MAPK4: variants seen among roughly 807,000 people sequenced by gnomAD.
MAPK4 encodes Erk3-related.
A neutral mutation model predicts 47.7 loss-of-function variants in MAPK4; 22 were observed. The observed-to-expected ratio is 0.46, with a 90% CI of 0.33 to 0.66. MAPK4 has a LOEUF of 0.66. MAPK4 is among the 30% of genes least tolerant of loss of function. The probability of loss-of-function intolerance (pLI) is 0.02; values close to 1 mark genes in which losing one functional copy is unlikely to be tolerated. For missense variants in MAPK4, 736 were observed against 831.7 expected (o/e 0.88, Z 1.42); for synonymous variants, 390 against 365.7 (o/e 1.07, Z -0.76).
chr18:50,684,583 T>C (rs1274499956), intron 2 of MAPK4, among the ~76,000 whole-genome samples: 1 of 151,168 alleles, frequency 6.6e-6, no homozygotes, highest in African/African-American at 2.4e-5. Context: ...TTCACTCCCT[T>C]GGGTGAGCTC....
intron 1 of MAPK4, among the ~76,000 whole-genome samples, chr18:50,589,427 T>C (rs2042416054): frequency 6.6e-6 from 1 of 152,102 alleles, no homozygotes; most frequent in Non-Finnish European, 1.5e-5. Flanking sequence ...AAACCCCGTC[T>C]CTACTAAAAA....
rs372732257 is a variant in MAPK4 at position 50,719,356 on chromosome 18, AAC to A, written c.692-2580_692-2579del. ...GGGGACACAAAAGGGTTAAAAACAA[AAC>A]AAAAAAAAATACACAGTGAACCTAT... On this transcript the variant is annotated intron_variant, in intron 3 of 5. Transcript: ENST00000400384. Among the ~76,000 whole-genome samples, 509 of 110,114 alleles carry A rather than the reference AAC, an allele frequency of 4.6e-3. 2 individuals are homozygous for A. The highest frequency in any genetic ancestry group is 7.0e-3 in the South Asian group (21 of 3,004). The allele number at this position is 110,114 out of a possible 152,430, so 72.2% of individuals were successfully genotyped here. A position where few individuals can be genotyped will look rare whatever the true frequency, so the allele number is the denominator to read the frequency against.
chr18:50,693,684 G>A (rs144829830), intron 2 of MAPK4, among the ~76,000 whole-genome samples: 3 of 152,330 alleles, frequency 2.0e-5, no homozygotes, highest in Non-Finnish European at 2.9e-5. Flanking sequence ...GCTTTCAAGC[G>A]TGCATGTGCT....
upstream of MAPK4, among the ~76,000 whole-genome samples, chr18:50,559,827 G>A (rs931427474): frequency 1.3e-4 from 20 of 151,762 alleles, no homozygotes; most frequent in Admixed American, 8.5e-4. Flanking sequence ...TACCCGGGAC[G>A]GGGCTCGGCT....
At chr18:50,711,763 A>C (rs1215133805) in intron 2 of MAPK4, among the ~76,000 whole-genome samples, 1 of 151,522 alleles carries the variant, frequency 6.6e-6, no homozygotes, top group Non-Finnish European at 1.5e-5. Context: ...GAGCCAATAT[A>C]CTTATTGATT....
chr18:50,718,158 C>T (rs1231803421), intron 3 of MAPK4, among the ~76,000 whole-genome samples: 4 of 152,136 alleles, frequency 2.6e-5, no homozygotes, highest in African/African-American at 9.7e-5. Flanking sequence ...CTAACAGTGG[C>T]CTTTCTGAGG....
At position 50,729,585 on chromosome 18, in the gene MAPK4, A is replaced by G. The variant is rs1276173026; in HGVS notation, c.1495A>G (p.Ser499Gly). 23 of 1,415,740 alleles carry G rather than the reference A, an allele frequency of 1.6e-5. No homozygotes were observed. Among genetic ancestry groups the G allele is most frequent in the Middle Eastern group, 4.0e-4 (2 of 4,944 alleles). 87.7% of individuals were successfully genotyped at this position (1,415,740 alleles called of 1,614,324 possible). The change falls in exon 6 of 6, where the codon AGC (serine) becomes GGC (glycine). Residue 499 changes from serine to glycine, a missense_variant. This residue lies in a region of MAPK4 where 377 missense variants were observed against 378.6 expected (regional missense o/e 1.00). Transcript: ENST00000400384. ...LFLEIAQWVK[S>G]TQGGPEHASP... ...CCTGGAGATCGCGCAGTGGGTCAAGAGCACGCAGGGCGGCCCAGAGCACGC... is the reference window on the plus strand; with the variant it reads ...CCTGGAGATCGCGCAGTGGGTCAAGGGCACGCAGGGCGGCCCAGAGCACGC...
At chr18:50,617,390 G>A (rs529241891) in intron 1 of MAPK4, among the ~76,000 whole-genome samples, 261 of 152,258 alleles carry the variant, frequency 1.7e-3, no homozygotes, top group Middle Eastern at 6.8e-3. Context: ...AAAGTTTACA[G>A]CACTTTATTT....
At chr18:50,675,609 A>G (rs1347046619) in intron 2 of MAPK4, among the ~76,000 whole-genome samples, 1 of 152,162 alleles carries the variant, frequency 6.6e-6, no homozygotes, top group Non-Finnish European at 1.5e-5. Flanking sequence ...CTCCTGCCTC[A>G]GCTTCCCAAG....
chr18:50,651,426 G>A (rs1370054945), intron 1 of MAPK4, among the ~76,000 whole-genome samples: 2 of 152,186 alleles, frequency 1.3e-5, no homozygotes, highest in East Asian at 1.9e-4. Context: ...TGTGGAATGC[G>A]CTATGGGCCT....
At chr18:50,642,282 T>C (rs1263848355) in intron 1 of MAPK4, among the ~76,000 whole-genome samples, 2 of 152,220 alleles carry the variant, frequency 1.3e-5, no homozygotes, top group Non-Finnish European at 2.9e-5. Flanking sequence ...GGAAATTGAC[T>C]TGAAGATTGG....
intron 4 of MAPK4, among the ~76,000 whole-genome samples, chr18:50,722,571 G>A (rs1910991091): frequency 6.6e-6 from 1 of 151,924 alleles, no homozygotes; most frequent in Admixed American, 6.6e-5. Flanking sequence ...CTGGGAAGAG[G>A]CCAAAGGCTC....
intron 1 of MAPK4, among the ~76,000 whole-genome samples, chr18:50,572,411 G>A (rs1217704948): frequency 6.6e-6 from 1 of 152,212 alleles, no homozygotes; most frequent in Middle Eastern, 3.2e-3. Flanking sequence ...TATGAAGTTT[G>A]TTGGGTCTCT....
At chr18:50,701,806 T>C (rs1029697525) in intron 2 of MAPK4, among the ~76,000 whole-genome samples, 4 of 152,170 alleles carry the variant, frequency 2.6e-5, no homozygotes, top group Non-Finnish European at 5.9e-5. Context: ...CTAAATAGAA[T>C]TATTTCCCAA....
intron 2 of MAPK4, among the ~76,000 whole-genome samples, chr18:50,690,130 C>T (rs1205249596): frequency 6.6e-6 from 1 of 152,190 alleles, no homozygotes; most frequent in Non-Finnish European, 1.5e-5. Flanking sequence ...GGCTGGCTCT[C>T]CTGCCAGGTG....
chr18:50,574,547 G>A (rs770333852), intron 1 of MAPK4, among the ~76,000 whole-genome samples: 3 of 152,152 alleles, frequency 2.0e-5, no homozygotes, highest in Admixed American at 6.5e-5. Flanking sequence ...ACTTCTAGCC[G>A]AGCCCTCCTT....
intron 1 of MAPK4, among the ~76,000 whole-genome samples, chr18:50,613,851 A>G (rs2042660646): frequency 6.6e-6 from 1 of 152,196 alleles, no homozygotes; most frequent in Admixed American, 6.5e-5. Flanking sequence ...ATTGTTTAGG[A>G]CATAAGTTTA....
chr18:50,710,574 G>A (rs1362867079), intron 2 of MAPK4, among the ~76,000 whole-genome samples: 6 of 151,962 alleles, frequency 3.9e-5, no homozygotes, highest in African/African-American at 1.5e-4. Flanking sequence ...TCAGGAGATC[G>A]AGACCATCCT....
At chr18:50,592,427 C>T (rs189975493) in intron 1 of MAPK4, among the ~76,000 whole-genome samples, 63 of 152,290 alleles carry the variant, frequency 4.1e-4, no homozygotes, top group Middle Eastern at 3.4e-3. Context: ...CATTCCCCCT[C>T]GCTAGGATCT....
Sources: gnomAD v4.1 joint callset for allele counts (sites outside exome capture counted in the v4.1 genomes callset) on GRCh38, gnomAD v4.1.1 for gene constraint, gnomAD v4.1.1 regional missense constraint, MANE v1.5 for transcripts, NCBI Gene and HGNC (gene_info 2026-07-23, HGNC 2026-07-21) for gene names.